PARD3: variants seen among roughly 807,000 people sequenced by gnomAD.
The protein encoded by PARD3 is partitioning defective 3 homolog.
PARD3 carries 75 observed loss-of-function variants against 155.4 expected under a neutral mutation model. The ratio of observed to expected loss-of-function variants is 0.48; its 90% CI spans 0.40 to 0.58. The LOEUF (loss-of-function observed/expected upper bound fraction) is 0.58. Among genes scored for constraint, PARD3 ranks in the 20% least tolerant of loss-of-function variants. The pLI is 0.00. For synonymous variants in PARD3, 576 were observed against 610.5 expected (o/e 0.94, Z 0.83); for missense variants, 1,642 against 1,721.7 (o/e 0.95, Z 0.82).
chr10:34,749,060 A>G (rs976207275), intron 1 of PARD3, among the ~76,000 whole-genome samples: 1 of 152,132 alleles, frequency 6.6e-6, no homozygotes, highest in Non-Finnish European at 1.5e-5. Flanking sequence ...ATTTCCTCCC[A>G]CTAGATTTGT....
chr10:34,240,780 G>A (rs1303341302), intron 22 of PARD3, among the ~76,000 whole-genome samples: 1 of 152,024 alleles, frequency 6.6e-6, no homozygotes, highest in East Asian at 1.9e-4. Flanking sequence ...AAGATTTTCT[G>A]AGGAGAGGTA....
chr10:34,452,935 C>G (rs555070909), intron 4 of PARD3, among the ~76,000 whole-genome samples: 1 of 152,270 alleles, frequency 6.6e-6, no homozygotes, highest in South Asian at 2.1e-4. Context: ...TGATTTTGGT[C>G]CTCGGCCATA....
intron 2 of PARD3, among the ~76,000 whole-genome samples, chr10:34,568,062 G>A (rs1254082571): frequency 6.6e-6 from 1 of 152,122 alleles, no homozygotes; most frequent in Non-Finnish European, 1.5e-5. Flanking sequence ...TGGGGTAATC[G>A]AATATTCTGC....
chr10:34,458,622 G>A (rs2132907953), intron 4 of PARD3, among the ~76,000 whole-genome samples: 1 of 152,286 alleles, frequency 6.6e-6, no homozygotes, highest in African/African-American at 2.4e-5. Flanking sequence ...CTCAAAACAA[G>A]AGAAAATCTC....
intron 5 of PARD3, among the ~76,000 whole-genome samples, chr10:34,434,478 C>T (rs150015305): frequency 1.3e-5 from 2 of 152,328 alleles, no homozygotes; most frequent in African/African-American, 4.8e-5. Flanking sequence ...ACATGCTGTG[C>T]AATTCCAATC....
At chr10:34,449,084 A>AT (rs201516210) in intron 5 of PARD3, among the ~76,000 whole-genome samples, 77,055 of 150,176 alleles carry the variant, frequency 0.51, 23,360 homozygotes, top group African/African-American at 0.86. Context: ...ACGCCCGGCT[A>AT]TTTTTTGTAT....
intron 22 of PARD3, among the ~76,000 whole-genome samples, chr10:34,231,994 G>C (rs1952958563): frequency 6.6e-6 from 1 of 152,048 alleles, no homozygotes; most frequent in African/African-American, 2.4e-5. Flanking sequence ...TACATACCAA[G>C]AGATAATAGG....
intron 15 of PARD3, among the ~76,000 whole-genome samples, chr10:34,346,781 G>A (rs976992212): frequency 6.6e-6 from 1 of 152,176 alleles, no homozygotes; most frequent in Non-Finnish European, 1.5e-5. Context: ...ACACCAGAAA[G>A]CTGGCTTGTC....
chr10:34,578,313 C>T (rs2087078720), intron 2 of PARD3, among the ~76,000 whole-genome samples: 3 of 152,150 alleles, frequency 2.0e-5, no homozygotes. Flanking sequence ...ATTACTGGAA[C>T]ACCAAGCATG....
intron 3 of PARD3, among the ~76,000 whole-genome samples, chr10:34,508,674 G>A (rs1275300034): frequency 1.3e-5 from 2 of 152,142 alleles, no homozygotes; most frequent in African/African-American, 4.8e-5. Context: ...TGAAAATAAA[G>A]ACAGTTAAAT....
intron 15 of PARD3, chr10:34,345,486 C>G: frequency 5.1e-6 from 5 of 985,096 alleles, no homozygotes; most frequent in Non-Finnish European, 6.0e-6. Context: ...AATACCTCAA[C>G]CTCCACTAAT....
chr10:34,262,691 T>C (rs908171136), intron 22 of PARD3, among the ~76,000 whole-genome samples: 2 of 152,194 alleles, frequency 1.3e-5, no homozygotes, highest in Non-Finnish European at 2.9e-5. Flanking sequence ...CCATGGAGTA[T>C]TGCAAACTCA....
In PARD3 at chr10:34,790,730, G is replaced by C. The variant is rs182406126; in HGVS notation, c.120+24146C>G. ...AATATTCCAGCAAATGTATCCTAAT[G>C]TAAGTAGGGTTTTTTCCTTAAGATT... is the stretch of plus-strand genomic sequence containing the variant. On this transcript the variant is annotated intron_variant, in intron 1 of 24. Coordinates refer to ENST00000374788, the MANE Select transcript of PARD3 (RefSeq NM_001184785.2). Among the ~76,000 whole-genome samples the C allele has an allele frequency of 3.6e-3, 548 of 152,344 alleles. 5 individuals are homozygous for C. Among genetic ancestry groups the C allele is most frequent in the African/African-American group, 0.012 (489 of 41,576 alleles).
intron 21 of PARD3, among the ~76,000 whole-genome samples, chr10:34,281,360 G>A (rs886615518): frequency 6.6e-6 from 1 of 152,122 alleles, no homozygotes; most frequent in Non-Finnish European, 1.5e-5. Context: ...GCTCCAGAAT[G>A]AGAAGTCAAA....
At chr10:34,211,503 C>T (rs922435626) in intron 22 of PARD3, among the ~76,000 whole-genome samples, 101 of 152,252 alleles carry the variant, frequency 6.6e-4, no homozygotes, top group South Asian at 1.2e-3. Context: ...AAATGGAGGC[C>T]GGGAGTGATG....
intron 2 of PARD3, among the ~76,000 whole-genome samples, chr10:34,661,561 A>G (rs2093327011): frequency 6.6e-6 from 1 of 152,222 alleles, no homozygotes; most frequent in African/African-American, 2.4e-5. Context: ...GAGGTTAGAA[A>G]AAGCAAGTTA....
chr10:34,532,613 G>A (rs555278371), intron 2 of PARD3, among the ~76,000 whole-genome samples: 1 of 152,274 alleles, frequency 6.6e-6, no homozygotes, highest in East Asian at 1.9e-4. Flanking sequence ...TTTCGTTCTG[G>A]ATATACTTTC....
chr10:34,543,852 G>A (rs937112024), intron 2 of PARD3, among the ~76,000 whole-genome samples: 2 of 152,056 alleles, frequency 1.3e-5, no homozygotes, highest in Admixed American at 6.6e-5. Flanking sequence ...TTTATCAGAA[G>A]GCCAATTAAT....
chr10:34,212,313 T>C lies in PARD3; in HGVS notation c.3419+57344A>G, dbSNP rs536061370. On this transcript the variant is annotated intron_variant, in intron 22 of 24. Coordinates refer to ENST00000374788, the MANE Select transcript of PARD3 (RefSeq NM_001184785.2). ...TGTCAGAACTTGAAGCCCTGTTATC[T>C]AGGTCATTCTTCTGGATCTGGTGGT... is the stretch of plus-strand genomic sequence containing the variant. 5.4e-4 allele frequency among the ~76,000 whole-genome samples: 83 copies of C among 152,304 alleles called. 1 individual carries two copies. The highest frequency in any genetic ancestry group is 2.0e-3 in the African/African-American group (82 of 41,560).
Sources: allele counts gnomAD v4.1 joint callset (sites outside exome capture counted in the v4.1 genomes callset), GRCh38; gene constraint gnomAD v4.1.1; transcripts MANE v1.5; gene names NCBI Gene and HGNC (gene_info 2026-07-23, HGNC 2026-07-21).